PKP4: variants seen among roughly 807,000 people sequenced by gnomAD.
PKP4 encodes plakophilin-4.
PKP4 carries 90 observed loss-of-function variants against 145.1 expected under a neutral mutation model. The observed-to-expected ratio is 0.62, with a 90% confidence interval of 0.52 to 0.74. PKP4 has a LOEUF of 0.74. PKP4 is among the 30% of genes least tolerant of loss of function. The probability of loss-of-function intolerance (pLI) is 0.00; values close to 1 mark genes in which losing one functional copy is unlikely to be tolerated. For synonymous variants in PKP4, 563 were observed against 577.2 expected (o/e 0.98, Z 0.35); for missense variants, 1,340 against 1,482.7 (o/e 0.90, Z 1.58).
chr2:158,498,934 G>A (rs1204828226), intron 1 of PKP4, among the ~76,000 whole-genome samples: 1 of 151,930 alleles, frequency 6.6e-6, no homozygotes, highest in Non-Finnish European at 1.5e-5. Context: ...CACAGCCTGT[G>A]GCCACAGAAG....
At chr2:158,625,593 T>TA (rs779386530) in intron 7 of PKP4, among the ~76,000 whole-genome samples, 166 bp downstream of exon 7, 25 of 152,358 alleles carry the variant, frequency 1.6e-4, no homozygotes, top group Admixed American at 5.2e-4. Flanking sequence ...CTGTAATTCT[T>TA]AATACATGAA....
intron 11 of PKP4, among the ~76,000 whole-genome samples, chr2:158,646,778 A>G (rs183727687): frequency 1.3e-5 from 2 of 152,300 alleles, no homozygotes; most frequent in East Asian, 1.9e-4. Context: ...CATCCAGTGC[A>G]TGAATCTCCT....
rs1176003354 is a variant in PKP4, at chr2:158,458,221, C to T, written c.-6+1003C>T. 2.0e-5 allele frequency: 3 copies of T among 153,034 alleles called. No individual in the cohort carries two copies. The East Asian group carries it at 5.8e-4, about 29-fold the overall frequency. 9.5% of individuals were successfully genotyped at this position (153,034 alleles called of 1,614,324 possible). A position where few individuals can be genotyped will look rare whatever the true frequency, so the allele number is the denominator to read the frequency against. On this transcript the variant is annotated intron_variant, in intron 1 of 21. Transcript: ENST00000389759. ...GCGAGGAATGCACCAGGGGCAGAGT[C>T]CACACAGCCCGCCGCGGCTGCCCTA...
At chr2:158,484,263 G>A (rs925707054) in intron 1 of PKP4, among the ~76,000 whole-genome samples, 2 of 152,042 alleles carry the variant, frequency 1.3e-5, no homozygotes, top group African/African-American at 4.8e-5. Context: ...TAGCCAGGAT[G>A]GTCTCGATCT....
At chr2:158,569,390 CAA>C (rs907427171) in intron 2 of PKP4, among the ~76,000 whole-genome samples, 4 of 152,086 alleles carry the variant, frequency 2.6e-5, no homozygotes, top group Non-Finnish European at 4.4e-5. Context: ...CGTGAGATCT[CAA>C]GGTAACAGGC....
At position 158,663,285 on chromosome 2, in the gene PKP4, G is replaced by A. The variant is rs1186882368; in HGVS notation, c.2417G>A (p.Gly806Asp). Residue 806 changes from glycine (G) to aspartate (D), a missense_variant, in exon 15 of 22, where the codon GGT becomes GAT. Physicochemically the swap from Gly to Asp is moderately conservative, Grantham distance 94. Transcript: ENST00000389759. ...TPQEDQWDGV[G>D]PIPGLSKSPK... ...TTTGTCTTTCAGTGGGATGGAGTTG[G>A]TCCTATCCCAGGACTGTCGAAGTCC... 2 of 1,613,326 alleles carry A rather than the reference G, an allele frequency of 1.2e-6. No homozygotes were observed. The highest frequency in any genetic ancestry group is 1.7e-5 in the Admixed American group (1 of 59,970).
At chr2:158,619,215 A>G (rs1437644133) in intron 4 of PKP4, among the ~76,000 whole-genome samples, 1 of 152,236 alleles carries the variant, frequency 6.6e-6, no homozygotes, top group Admixed American at 6.5e-5. Context: ...TGGAAAACTC[A>G]TGATAGAAGA....
At chr2:158,502,391 AAGT>A (rs1696714531) in intron 1 of PKP4, among the ~76,000 whole-genome samples, 1 of 152,138 alleles carries the variant, frequency 6.6e-6, no homozygotes, top group Non-Finnish European at 1.5e-5. Flanking sequence ...GTTTCCAAAG[AAGT>A]TAGAGCCCTC....
chr2:158,597,919 C>T (rs983339728), intron 3 of PKP4, among the ~76,000 whole-genome samples: 10 of 152,102 alleles, frequency 6.6e-5, no homozygotes, highest in Admixed American at 4.6e-4. Flanking sequence ...CTCTCAGGCT[C>T]AGGCAATCTT....
At chr2:158,492,381 A>C (rs370159245) in intron 1 of PKP4, among the ~76,000 whole-genome samples, 2 of 152,290 alleles carry the variant, frequency 1.3e-5, no homozygotes, top group Admixed American at 6.5e-5. Flanking sequence ...TCTTTGTCTT[A>C]ATCTCAGTTG....
chr2:158,639,321 G>GTGTGTGTGTGTGT (rs1553468374), intron 9 of PKP4, among the ~76,000 whole-genome samples: 4 of 137,722 alleles, frequency 2.9e-5, no homozygotes, highest in Admixed American at 2.8e-4. Flanking sequence ...ACGCATGAGG[G>GTGTGTGTGTGTGT]GTGTGTGTGT....
chr2:158,621,189 A>G, intron 5 of PKP4, 42 bp from the exon 6 acceptor site: 2 of 1,613,014 alleles, frequency 1.2e-6, no homozygotes, highest in Non-Finnish European at 1.7e-6. Flanking sequence ...CGAGTGTCAG[A>G]AGTGTGTATA....
chr2:158,662,768 C>T, intron 13 of PKP4, 129 bp from the exon 14 acceptor site: 1 of 672,500 alleles, frequency 1.5e-6, no homozygotes, highest in Non-Finnish European at 2.4e-6. Flanking sequence ...CAGATTGTTT[C>T]AAGTTCTCAT....
intron 11 of PKP4, 67 bp downstream of exon 11, chr2:158,642,766 A>G: frequency 1.7e-6 from 2 of 1,189,540 alleles, no homozygotes; most frequent in Non-Finnish European, 2.4e-6. Context: ...GCCCTTGTAT[A>G]GTGGCACTAT....
At chr2:158,551,369 G>A (rs2051944) in intron 2 of PKP4, among the ~76,000 whole-genome samples, 138,916 of 152,184 alleles carry the variant, frequency 0.91, 63,465 homozygotes, top group East Asian at 0.97. Flanking sequence ...GGGGGTGCCA[G>A]TTGCTAGACT....
At chr2:158,468,751 A>C (rs1490849322) in intron 1 of PKP4, among the ~76,000 whole-genome samples, 1 of 134,400 alleles carries the variant, frequency 7.4e-6, no homozygotes. Context: ...GAAATTAGAC[A>C]TTTTCTTTTC....
intron 1 of PKP4, among the ~76,000 whole-genome samples, chr2:158,464,724 C>T (rs1157661773): frequency 6.6e-6 from 1 of 152,208 alleles, no homozygotes; most frequent in Non-Finnish European, 1.5e-5. Flanking sequence ...CCATTATTTA[C>T]CACTTTGCAG....
intron 2 of PKP4, among the ~76,000 whole-genome samples, chr2:158,537,042 C>G (rs578242092): frequency 6.6e-6 from 1 of 152,064 alleles, no homozygotes; most frequent in African/African-American, 2.4e-5. Context: ...AATGGTTGTT[C>G]GAGCAGGGAA....
chr2:158,571,590 C>T (rs766691744), intron 2 of PKP4, among the ~76,000 whole-genome samples: 4 of 152,030 alleles, frequency 2.6e-5, no homozygotes, highest in Non-Finnish European at 5.9e-5. Context: ...TCAATTAAAG[C>T]CTGGAAGTGG....
Sources: gnomAD v4.1 joint callset for allele counts (sites outside exome capture counted in the v4.1 genomes callset) on GRCh38, gnomAD v4.1.1 for gene constraint, MANE v1.5 for transcripts, NCBI Gene and HGNC (gene_info 2026-07-23, HGNC 2026-07-21) for gene names.